Variants in KCNH5 observed in about 807,000 individuals in gnomAD.
KCNH5 encodes the protein potassium voltage-gated channel subfamily H member 5, also known as voltage-gated delayed rectifier potassium channel KCNH5.
Under a neutral mutation model 96.1 loss-of-function variants are expected in KCNH5, and 46 were observed. The observed-to-expected ratio is 0.48, with a 90% CI of 0.38 to 0.61. The LOEUF (loss-of-function observed/expected upper bound fraction) is 0.61, where lower values mean the gene tolerates loss of function less well. KCNH5 is among the 20% of genes least tolerant of loss of function. The pLI, the probability that KCNH5 is intolerant of heterozygous loss-of-function variation, is 0.00. For missense variants in KCNH5, 907 were observed against 1,225.8 expected (o/e 0.74, Z 3.88); for synonymous variants, 439 against 449.8 (o/e 0.98, Z 0.30).
At chr14:62,934,344 C>T (rs749558849) in intron 7 of KCNH5, among the ~76,000 whole-genome samples, 1 of 152,126 alleles carries the variant, frequency 6.6e-6, no homozygotes, top group African/African-American at 2.4e-5. Flanking sequence ...TTGTGCTTCT[C>T]ATCTAACTTG....
At chr14:62,902,697 G>A (rs7157658) in intron 7 of KCNH5, among the ~76,000 whole-genome samples, 106,129 of 151,546 alleles carry the variant, frequency 0.7, 38,119 homozygotes, top group East Asian at 0.99. Context: ...TCTGAAAAAA[G>A]TGTGGATAAT....
intron 1 of KCNH5, among the ~76,000 whole-genome samples, chr14:63,039,839 C>A (rs528893043): frequency 3.3e-5 from 5 of 151,844 alleles, no homozygotes; most frequent in Non-Finnish European, 7.4e-5. Context: ...CTTCCAAGAG[C>A]ACCAACTAAC....
At chr14:62,764,565 G>C (rs540822213) in intron 10 of KCNH5, among the ~76,000 whole-genome samples, 2 of 152,098 alleles carry the variant, frequency 1.3e-5, no homozygotes, top group Non-Finnish European at 2.9e-5. Flanking sequence ...TCCAAACAGG[G>C]AGAGGAAGTC....
At chr14:62,800,447 G>C (rs1221566119) in intron 9 of KCNH5, among the ~76,000 whole-genome samples, 1 of 152,116 alleles carries the variant, frequency 6.6e-6, no homozygotes. Flanking sequence ...ACCCAGGCTA[G>C]AGGCACTGTA....
intron 9 of KCNH5, among the ~76,000 whole-genome samples, chr14:62,782,854 G>A (rs751872313): frequency 7.9e-5 from 12 of 151,858 alleles, no homozygotes; most frequent in Non-Finnish European, 1.5e-4. Flanking sequence ...AATAACCAAA[G>A]GAACACTTTA....
intron 6 of KCNH5, among the ~76,000 whole-genome samples, chr14:62,975,231 C>G (rs1017053522): frequency 1.7e-4 from 26 of 151,960 alleles, no homozygotes; most frequent in African/African-American, 6.0e-4. Flanking sequence ...TATATTAAGG[C>G]GCATACATAT....
chr14:62,823,778 A>G (rs1189096373), intron 8 of KCNH5, among the ~76,000 whole-genome samples: 2 of 152,064 alleles, frequency 1.3e-5, no homozygotes, highest in African/African-American at 2.4e-5. Context: ...ATCATTATCT[A>G]GAATTACTAT....
At chr14:62,905,178 A>G (rs773586920) in intron 7 of KCNH5, among the ~76,000 whole-genome samples, 11 of 152,202 alleles carry the variant, frequency 7.2e-5, no homozygotes, top group Non-Finnish European at 1.3e-4. Context: ...TTTTTGTCCT[A>G]TCTTCAGAAC....
intron 4 of KCNH5, among the ~76,000 whole-genome samples, chr14:62,996,135 A>G (rs1248101826): frequency 1.3e-5 from 2 of 152,186 alleles, no homozygotes; most frequent in Non-Finnish European, 2.9e-5. Context: ...AAAAGTAGAA[A>G]GATAGGTGCT....
chr14:62,832,275 C>A (rs1357126059), intron 8 of KCNH5, among the ~76,000 whole-genome samples: 1 of 152,070 alleles, frequency 6.6e-6, no homozygotes, highest in Non-Finnish European at 1.5e-5. Context: ...AACTTGTATG[C>A]ATTGAATAGC....
intron 6 of KCNH5, among the ~76,000 whole-genome samples, chr14:62,960,195 C>G (rs561353732): frequency 3.3e-4 from 51 of 152,268 alleles, no homozygotes; most frequent in African/African-American, 1.2e-3. Flanking sequence ...CTAGTTGGCT[C>G]TATCCATACT....
intron 7 of KCNH5, among the ~76,000 whole-genome samples, chr14:62,869,536 G>T (rs1339822367): frequency 6.6e-6 from 1 of 152,114 alleles, no homozygotes. Flanking sequence ...CTTTTAAATA[G>T]ATCTCATTTG....
chr14:63,000,098 G>C (rs1271775879), intron 4 of KCNH5, among the ~76,000 whole-genome samples: 1 of 152,070 alleles, frequency 6.6e-6, no homozygotes, highest in Non-Finnish European at 1.5e-5. Context: ...CTCGCTATTT[G>C]ATGTTAACCA....
intron 7 of KCNH5, among the ~76,000 whole-genome samples, chr14:62,941,707 C>G (rs760854548): frequency 2.0e-5 from 3 of 152,072 alleles, no homozygotes; most frequent in Non-Finnish European, 4.4e-5. Context: ...CTACCTACAC[C>G]GCAATAACAA....
At chr14:62,761,641 TA>T (rs1885753447) in intron 10 of KCNH5, among the ~76,000 whole-genome samples, 1 of 152,244 alleles carries the variant, frequency 6.6e-6, no homozygotes, top group East Asian at 1.9e-4. Context: ...TACAAGTCTA[TA>T]AAAAATTCAA....
chr14:62,858,894 C>G (rs1690367645), intron 7 of KCNH5, among the ~76,000 whole-genome samples: 1 of 152,158 alleles, frequency 6.6e-6, no homozygotes, highest in South Asian at 2.1e-4. Context: ...GACCATTCCA[C>G]CATTCTATTC....
At chr14:62,997,490 G>T (rs530859535) in intron 4 of KCNH5, among the ~76,000 whole-genome samples, 1 of 152,132 alleles carries the variant, frequency 6.6e-6, no homozygotes, top group South Asian at 2.1e-4. Flanking sequence ...ATTATTTTGT[G>T]AATTACATTT....
intron 7 of KCNH5, among the ~76,000 whole-genome samples, chr14:62,922,340 C>T (rs762177489): frequency 6.6e-6 from 1 of 151,880 alleles, no homozygotes; most frequent in African/African-American, 2.4e-5. Context: ...TGTATGCAAA[C>T]ATAAATTTAC....
chr14:62,829,698 A>C (rs565183445), intron 8 of KCNH5, among the ~76,000 whole-genome samples: 1 of 152,272 alleles, frequency 6.6e-6, no homozygotes, highest in African/African-American at 2.4e-5. Context: ...CGGGTCTGTC[A>C]TGGGGGGATC....
Sources: gnomAD v4.1 joint callset for allele counts (sites outside exome capture counted in the v4.1 genomes callset) on GRCh38, gnomAD v4.1.1 for gene constraint, MANE v1.5 for transcripts, NCBI Gene and HGNC (gene_info 2026-07-23, HGNC 2026-07-21) for gene names.